The following SLC27A6 variants were observed in gnomAD, a reference collection of about 807,000 sequenced individuals.
The protein encoded by SLC27A6 is solute carrier family 27 member 6.
Under a neutral mutation model 63.9 loss-of-function variants are expected in SLC27A6, and 74 were observed. That is an observed-to-expected ratio of 1.16 (90% CI 0.96 to 1.40). The LOEUF (loss-of-function observed/expected upper bound fraction) is 1.40, where lower values mean the gene tolerates loss of function less well. Ranked by LOEUF, SLC27A6 falls within the 40% of genes most tolerant of loss-of-function variation. SLC27A6 has a pLI of 0.00. For missense variants in SLC27A6, 794 were observed against 732.9 expected (o/e 1.08, Z -0.96); for synonymous variants, 287 against 260.8 (o/e 1.10, Z -0.97).
chr5:128,989,923 CAAAAA>C (rs11415836), intron 3 of SLC27A6, among the ~76,000 whole-genome samples: 1 of 96,466 alleles, frequency 1.0e-5, no homozygotes, highest in Admixed American at 1.1e-4. Flanking sequence ...GACTCCGTCT[CAAAAA>C]AAAAAAAAAA....
At chr5:128,977,488 A>G (rs1199466251) in intron 1 of SLC27A6, among the ~76,000 whole-genome samples, 3 of 152,096 alleles carry the variant, frequency 2.0e-5, no homozygotes, top group African/African-American at 7.2e-5. Context: ...AACAAGGGAG[A>G]AAAGGAGAGG....
intron 4 of SLC27A6, among the ~76,000 whole-genome samples, chr5:128,994,961 A>G (rs991072626): frequency 5.3e-5 from 8 of 152,204 alleles, no homozygotes; most frequent in African/African-American, 1.9e-4. Flanking sequence ...AACTGCTGGC[A>G]GCAGCATTGT....
chr5:129,015,843 G>A (rs757655923), intron 4 of SLC27A6, 42 bp from the exon 5 acceptor site: 1 of 1,338,446 alleles, frequency 7.5e-7, no homozygotes, highest in South Asian at 1.3e-5. Flanking sequence ...GAAAGAATTA[G>A]AAACTGGAAC....
chr5:129,028,786 G>A (rs1377300057), intron 8 of SLC27A6, among the ~76,000 whole-genome samples: 4 of 151,494 alleles, frequency 2.6e-5, no homozygotes, highest in African/African-American at 9.7e-5. Context: ...CACTAAACAA[G>A]AACATGTTCT....
intron 4 of SLC27A6, among the ~76,000 whole-genome samples, chr5:128,999,879 A>G (rs1440109550): frequency 6.6e-6 from 1 of 152,208 alleles, no homozygotes; most frequent in Non-Finnish European, 1.5e-5. Context: ...ACATGCATCA[A>G]GAGAATACAA....
intron 2 of SLC27A6, among the ~76,000 whole-genome samples, chr5:128,987,331 T>C (rs895665615): frequency 1.3e-5 from 2 of 152,130 alleles, no homozygotes; most frequent in Non-Finnish European, 2.9e-5. Flanking sequence ...TGAAACCAAC[T>C]AGTAAATAAG....
intron 1 of SLC27A6, among the ~76,000 whole-genome samples, chr5:128,968,529 T>C (rs1450459442): frequency 6.6e-6 from 1 of 152,244 alleles, no homozygotes; most frequent in African/African-American, 2.4e-5. Context: ...TGAGCATTTT[T>C]TCATGTGTCT....
At chr5:128,971,850 T>C (rs4836424) in intron 1 of SLC27A6, among the ~76,000 whole-genome samples, 109,305 of 151,990 alleles carry the variant, frequency 0.72, 39,347 homozygotes, top group East Asian at 0.88. Flanking sequence ...GCAGTTTCTT[T>C]CTAGCGTCGA....
At chr5:128,990,065 C>CT (rs1272580603) in intron 3 of SLC27A6, among the ~76,000 whole-genome samples, 3 of 152,098 alleles carry the variant, frequency 2.0e-5, no homozygotes, top group African/African-American at 4.8e-5. Context: ...TGCTCTAATA[C>CT]TTTAACTCTT....
intron 9 of SLC27A6, among the ~76,000 whole-genome samples, chr5:129,032,250 C>A (rs1464883712): frequency 6.6e-6 from 1 of 151,926 alleles, no homozygotes; most frequent in Admixed American, 6.6e-5. Flanking sequence ...AAATGAGTAG[C>A]CACCTGAAAA....
intron 4 of SLC27A6, among the ~76,000 whole-genome samples, chr5:128,993,702 CT>C (rs1234666187): frequency 1.3e-5 from 2 of 151,976 alleles, no homozygotes; most frequent in Admixed American, 6.6e-5. Context: ...ATGAAATATT[CT>C]TTTTAACTCT....
intron 1 of SLC27A6, among the ~76,000 whole-genome samples, chr5:128,970,695 G>C (rs201388515): frequency 6.6e-6 from 1 of 151,346 alleles, no homozygotes; most frequent in African/African-American, 2.4e-5. Flanking sequence ...TTTGTTGATC[G>C]TTTCAGAAAA....
At chr5:128,987,138 A>G (rs1158888778) in intron 2 of SLC27A6, among the ~76,000 whole-genome samples, 4 of 152,194 alleles carry the variant, frequency 2.6e-5, no homozygotes, top group South Asian at 2.1e-4. Flanking sequence ...CCCTATAAAT[A>G]TGTATATATG....
At chr5:128,983,442 A>G (rs1176170494) in intron 1 of SLC27A6, among the ~76,000 whole-genome samples, 1 of 151,722 alleles carries the variant, frequency 6.6e-6, no homozygotes, top group South Asian at 2.1e-4. Flanking sequence ...ACAGGCACCC[A>G]TCACCATACC....
chr5:129,020,251 A>G (rs1752031231), intron 5 of SLC27A6, among the ~76,000 whole-genome samples: 1 of 152,190 alleles, frequency 6.6e-6, no homozygotes, highest in Admixed American at 6.5e-5. Context: ...GAAATCAGAA[A>G]CTATAATACC....
intron 1 of SLC27A6, among the ~76,000 whole-genome samples, chr5:128,979,583 A>G (rs545390539): frequency 6.6e-6 from 1 of 152,340 alleles, no homozygotes; most frequent in African/African-American, 2.4e-5. Context: ...ACTGAAAAAT[A>G]GCAAGCCAGA....
intron 4 of SLC27A6, among the ~76,000 whole-genome samples, chr5:129,015,363 A>G (rs1028650105): frequency 1.3e-5 from 2 of 152,212 alleles, no homozygotes; most frequent in South Asian, 2.1e-4. Flanking sequence ...CTTTGATTCT[A>G]TGGCCTCAAA....
In SLC27A6 at chr5:129,027,183, G is replaced by A. The variant is rs1215056580; in HGVS notation, c.1306G>A (p.Gly436Ser). 3.7e-6 allele frequency: 6 copies of A among 1,613,286 alleles called. No homozygotes were observed. Among genetic ancestry groups the A allele is most frequent in the Non-Finnish European group, 5.1e-6 (6 of 1,179,558 alleles). Residue 436 changes from glycine to serine, a missense_variant, in exon 7 of 10, where the codon GGC (glycine) becomes AGC (serine). Physicochemically the swap from Gly to Ser is moderately conservative, Grantham distance 56. Coordinates refer to ENST00000262462, the MANE Select transcript of SLC27A6 (RefSeq NM_001017372.3). ...SRVNAKNPFFGYAGPYKHTKD... is the reference protein window; with the variant it reads ...SRVNAKNPFFSYAGPYKHTKD... ...AGTGAATGCAAAAAATCCCTTCTTT[G>A]GCTATGCTGGGCCTTATAAGCACAC... is the stretch of plus-strand genomic sequence containing the variant.
chr5:129,033,334 G>A lies in SLC27A6; in HGVS notation c.*52G>A. On this transcript the variant is annotated 3_prime_UTR_variant, in exon 10 of 10. Transcript: ENST00000262462. ...GCTTTCTTAGGAAGAGTGAGAGGGG[G>A]GTATATGATTCTTTATGAAATGGGG... 9.1e-7 allele frequency: 1 copy of A among 1,098,716 alleles called. No homozygotes were observed. The highest frequency in any genetic ancestry group is 2.7e-5 in the East Asian group (1 of 37,706). The allele number at this position is 1,098,716 out of a possible 1,614,324, so 68.1% of individuals were successfully genotyped here. A position where few individuals can be genotyped will look rare whatever the true frequency, so the allele number is the denominator to read the frequency against.
Sources: allele counts gnomAD v4.1 joint callset (sites outside exome capture counted in the v4.1 genomes callset), GRCh38; gene constraint gnomAD v4.1.1; transcripts MANE v1.5; gene names NCBI Gene and HGNC (gene_info 2026-07-23, HGNC 2026-07-21).